The following NECTIN3 variants were observed in gnomAD, a reference collection of about 807,000 sequenced individuals.
NECTIN3 encodes nectin cell adhesion molecule 3.
NECTIN3 carries 8 observed loss-of-function variants against 49.4 expected under a neutral mutation model. The observed-to-expected ratio is 0.16, with a 90% CI of 0.10 to 0.29. The LOEUF is 0.29. NECTIN3 is among the 10% of genes least tolerant of loss of function. NECTIN3 has a pLI of 1.00. For missense variants in NECTIN3, 581 were observed against 654.6 expected (o/e 0.89, Z 1.23); for synonymous variants, 277 against 241.1 (o/e 1.15, Z -1.38).
At chr3:111,132,963 T>A (rs1025443630) in intron 5 of NECTIN3, among the ~76,000 whole-genome samples, 6 of 151,876 alleles carry the variant, frequency 4.0e-5, no homozygotes, top group Non-Finnish European at 7.4e-5. Context: ...TATGCTTTTT[T>A]ATTTTTTTAA....
intron 1 of NECTIN3, among the ~76,000 whole-genome samples, chr3:111,103,467 TA>T (rs1327235718): frequency 2.7e-5 from 4 of 150,720 alleles, no homozygotes; most frequent in Admixed American, 2.6e-4. Context: ...TTTTTTTTTT[TA>T]AATTAACTTT....
At chr3:111,091,330 A>G (rs1248708004) in intron 1 of NECTIN3, among the ~76,000 whole-genome samples, 1 of 152,034 alleles carries the variant, frequency 6.6e-6, no homozygotes. Context: ...ATCTCAGCTC[A>G]CTGCAAGCTC....
chr3:111,076,436 G>C (rs146395423), intron 1 of NECTIN3, among the ~76,000 whole-genome samples: 1 of 152,082 alleles, frequency 6.6e-6, no homozygotes, highest in Non-Finnish European at 1.5e-5. Flanking sequence ...ATATGTAAAT[G>C]TAGGTTAAAA....
At chr3:111,127,090 A>G (rs2034192882) in intron 5 of NECTIN3, among the ~76,000 whole-genome samples, 1 of 152,238 alleles carries the variant, frequency 6.6e-6, no homozygotes, top group African/African-American at 2.4e-5. Flanking sequence ...ACAAGAATGT[A>G]GCAATCTTCC....
chr3:111,188,497 G>T (rs1242168026), upstream of NECTIN3, among the ~76,000 whole-genome samples: 1 of 152,130 alleles, frequency 6.6e-6, no homozygotes, highest in Non-Finnish European at 1.5e-5. Flanking sequence ...ATTTTTTCCT[G>T]TTCAGGTCTG....
At chr3:111,164,172 G>A (rs1485420251) in intron 7 of NECTIN3, among the ~76,000 whole-genome samples, 1 of 151,954 alleles carries the variant, frequency 6.6e-6, no homozygotes, top group African/African-American at 2.4e-5. Context: ...AGTTTTAAGA[G>A]CCAGTTTTTG....
intron 4 of NECTIN3, among the ~76,000 whole-genome samples, chr3:111,125,168 A>C (rs2034114164): frequency 6.6e-6 from 1 of 151,074 alleles, no homozygotes; most frequent in Non-Finnish European, 1.5e-5. Context: ...AGCTGGGATT[A>C]CAGGCACCCG....
intron 3 of NECTIN3, among the ~76,000 whole-genome samples, 186 bp from the exon 4 acceptor site, chr3:111,121,935 A>C (rs2033974101): frequency 6.6e-6 from 1 of 152,038 alleles, no homozygotes; most frequent in South Asian, 2.1e-4. Flanking sequence ...CTCATTCTCC[A>C]TTTTATTCTT....
In NECTIN3 at chr3:111,071,903, T is replaced by G; in HGVS notation, c.-115T>G. 1 of 637,150 alleles carries G rather than the reference T, an allele frequency of 1.6e-6. No individual in the cohort carries two copies. Among genetic ancestry groups the G allele is most frequent in the Non-Finnish European group, 2.3e-6 (1 of 438,548 alleles). 39.5% of individuals were successfully genotyped at this position (637,150 alleles called of 1,614,324 possible). On this transcript the variant is annotated 5_prime_UTR_variant, in exon 1 of 6. Transcript: ENST00000485303. ...CAGCCGGCAGCGACGGCGCTAGAGC[T>G]GGGAGCTGGGGACGCGCGCGCCGGA...
rs140060336 is a variant in NECTIN3 at position 111,164,875 on chromosome 3, G to A, written c.1221+17391G>A. ...TAGACATAACTTTTTTGAGGACACA[G>A]TTCAACACACACCACCATGTAACTC... On this transcript the variant is annotated intron_variant, in intron 7 of 8. Transcript: ENST00000493615. 6.0e-3 allele frequency among the ~76,000 whole-genome samples: 911 copies of A among 152,224 alleles called. 7 individuals carry two copies. Among genetic ancestry groups the A allele is most frequent in the African/African-American group, 0.021 (853 of 41,540 alleles).
rs1250579794 is a variant in NECTIN3 at position 111,133,849 on chromosome 3, TAGG to T, written c.1287_1289del (p.Arg432del). On this transcript the variant is annotated inframe_deletion, in exon 6 of 6. Coordinates refer to ENST00000485303, the MANE Select transcript of NECTIN3 (RefSeq NM_015480.3). Reference sequence around the variant, plus strand: ...GTGTTTTGGCTGGAATATTCTGCTATAGGAGAAGACGGACGTTTCGTGGAGACT... The same window carrying T: ...GTGTTTTGGCTGGAATATTCTGCTATAGAAGACGGACGTTTCGTGGAGACT... The T allele has an allele frequency of 1.9e-6, 3 of 1,614,018 alleles. No homozygotes were observed. Among genetic ancestry groups the T allele is most frequent in the Non-Finnish European group, 2.5e-6 (3 of 1,179,904 alleles).
intron 1 of NECTIN3, among the ~76,000 whole-genome samples, chr3:111,076,315 T>C (rs1469715010): frequency 6.6e-6 from 1 of 152,108 alleles, no homozygotes; most frequent in Non-Finnish European, 1.5e-5. Context: ...CCTTAAAAAT[T>C]AGTGAGTAAA....
chr3:111,138,210 A>G (rs1576155049), downstream of NECTIN3, among the ~76,000 whole-genome samples: 1 of 151,758 alleles, frequency 6.6e-6, no homozygotes, highest in Admixed American at 6.6e-5. Context: ...CTTGTGATGC[A>G]TCACTTTGTT....
At chr3:111,176,503 A>C (rs527818054) in intron 7 of NECTIN3, among the ~76,000 whole-genome samples, 9 of 152,154 alleles carry the variant, frequency 5.9e-5, no homozygotes, top group African/African-American at 2.2e-4. Context: ...TTACTTCTCA[A>C]TTCAAATAAA....
chr3:111,100,711 CT>C (rs1186429175), intron 1 of NECTIN3, among the ~76,000 whole-genome samples: 2 of 150,172 alleles, frequency 1.3e-5, no homozygotes, highest in South Asian at 2.1e-4. Context: ...AACTTTAAGA[CT>C]TTTTTAAAAA....
At chr3:111,077,165 A>C (rs1373173210) in intron 1 of NECTIN3, 2 of 428,984 alleles carry the variant, frequency 4.7e-6, no homozygotes, top group Non-Finnish European at 9.4e-6. Context: ...TATATTTTGA[A>C]TTTTACTTGT....
chr3:111,155,893 A>T lies in NECTIN3; in HGVS notation c.1221+8409A>T, dbSNP rs535398119. Reference sequence around the variant, plus strand: ...TACTTCCCAGGATTACAGATTAATAATATCTGTTACTACCTATTTACATGA... The same window carrying T: ...TACTTCCCAGGATTACAGATTAATATTATCTGTTACTACCTATTTACATGA... On this transcript the variant is annotated intron_variant, in intron 7 of 8. Coordinates refer to the NECTIN3 transcript ENST00000493615. 3.3e-5 allele frequency among the ~76,000 whole-genome samples: 5 copies of T among 152,286 alleles called. No individual in the cohort carries two copies. In the South Asian group the frequency reaches 6.2e-4, roughly 19 times the overall value.
intron 1 of NECTIN3, chr3:111,072,797 CACA>C: frequency 2.0e-6 from 1 of 494,612 alleles, no homozygotes; most frequent in South Asian, 2.3e-5. Context: ...GGACGTCTCT[CACA>C]CTGCCCGTGC....
intron 2 of NECTIN3, among the ~76,000 whole-genome samples, chr3:111,117,629 A>C (rs1238789297): frequency 6.6e-6 from 1 of 152,130 alleles, no homozygotes; most frequent in African/African-American, 2.4e-5. Flanking sequence ...TAAAATATGA[A>C]ACAAAAATTG....
Sources: allele counts gnomAD v4.1 joint callset (sites outside exome capture counted in the v4.1 genomes callset), GRCh38; gene constraint gnomAD v4.1.1; transcripts MANE v1.5; gene names NCBI Gene and HGNC (gene_info 2026-07-23, HGNC 2026-07-21).